The following TSPAN5 variants were observed in gnomAD, a reference collection of about 807,000 sequenced individuals.
TSPAN5 encodes the protein tetraspanin 5.
In TSPAN5, 10 loss-of-function variants were observed where a neutral mutation model predicts 37.1. The observed-to-expected ratio is 0.27, with a 90% CI of 0.17 to 0.46. The LOEUF is 0.46. Among genes scored for constraint, TSPAN5 ranks in the 20% least tolerant of loss-of-function variants. The probability of loss-of-function intolerance (pLI) is 1.00; values close to 1 mark genes in which losing one functional copy is unlikely to be tolerated. For missense variants in TSPAN5, 195 were observed against 326.6 expected, an observed-to-expected ratio of 0.60 and a Z score of 3.11; for synonymous variants, 110 against 118.9, an observed-to-expected ratio of 0.93 and a Z score of 0.48.
chr4:98,554,952 A>G (rs1291128196), intron 1 of TSPAN5, among the ~76,000 whole-genome samples: 1 of 152,222 alleles, frequency 6.6e-6, no homozygotes, highest in Non-Finnish European at 1.5e-5. Context: ...GAGTATAAAA[A>G]TCCCACAGAA....
At chr4:98,630,801 GCCTACTGGCTTAAGGGC>G (rs1756728233) in intron 1 of TSPAN5, among the ~76,000 whole-genome samples, 1 of 152,186 alleles carries the variant, frequency 6.6e-6, no homozygotes, top group Non-Finnish European at 1.5e-5. Context: ...TTGAAGTAAG[GCCTACTGGCTTAAGGGC>G]CCTGCAGAGC....
Position 98,476,430 on chromosome 4 carries a change from C to T in TSPAN5, c.607G>A (p.Asp203Asn), listed in dbSNP as rs772668858. 6.2e-7 allele frequency: 1 copy of T among 1,614,206 alleles called. No homozygotes were observed. The highest frequency in any genetic ancestry group is 1.1e-5 in the South Asian group (1 of 91,084). Residue 203 changes from aspartate (D) to asparagine (N), a missense_variant, in exon 6 of 8, where the codon GAT (aspartate) becomes AAT (asparagine). Asp to Asn is a conservative substitution (Grantham distance 23, BLOSUM62 1). Transcript: ENST00000305798. Reference sequence around the variant, plus strand: ...CCACTTACTGGTTTTTGCCTGGCATCATAGCCACACTGAGTGTTGATGACA... The same window carrying T: ...CCACTTACTGGTTTTTGCCTGGCATTATAGCCACACTGAGTGTTGATGACA... ...EDVINTQCGY[D>N]ARQKPEVDQQ...
intron 1 of TSPAN5, among the ~76,000 whole-genome samples, chr4:98,560,856 G>T (rs1436039831): frequency 6.6e-6 from 1 of 152,224 alleles, no homozygotes; most frequent in East Asian, 1.9e-4. Context: ...TTTCAGATGA[G>T]CTGAGATTTA....
In TSPAN5 at chr4:98,640,822, C is replaced by T. The variant is rs376066167; in HGVS notation, c.81+17324G>A. 5.9e-5 allele frequency among the ~76,000 whole-genome samples: 9 copies of T among 152,154 alleles called. No homozygotes were observed. The East Asian group carries it at 1.2e-3, about 19-fold the overall frequency. On this transcript the variant is annotated intron_variant, in intron 1 of 7. Coordinates refer to ENST00000305798, the MANE Select transcript of TSPAN5 (RefSeq NM_005723.4). The stretch of plus-strand genomic sequence containing the variant: ...CCCAGGTGACAGTGAACCAAAAGCC[C>T]GCAACTCCCCTGAGTGGGTCACCTA...
At chr4:98,544,252 T>A (rs983865395) in intron 1 of TSPAN5, among the ~76,000 whole-genome samples, 17 of 152,294 alleles carry the variant, frequency 1.1e-4, no homozygotes, top group African/African-American at 3.6e-4. Flanking sequence ...GCTAAACATA[T>A]CTTGCACATG....
chr4:98,632,798 G>A (rs1441473585), intron 1 of TSPAN5, among the ~76,000 whole-genome samples: 3 of 152,194 alleles, frequency 2.0e-5, no homozygotes, highest in Non-Finnish European at 4.4e-5. Context: ...GAGGAGGACT[G>A]GAGTGGAAGA....
chr4:98,643,004 T>C (rs1283872137), intron 1 of TSPAN5, among the ~76,000 whole-genome samples: 2 of 152,314 alleles, frequency 1.3e-5, no homozygotes, highest in East Asian at 1.9e-4. Context: ...AGCCTAAGTA[T>C]AGTGTTAATG....
intron 1 of TSPAN5, among the ~76,000 whole-genome samples, chr4:98,537,197 G>C (rs1352718571): frequency 1.3e-5 from 2 of 152,200 alleles, no homozygotes; most frequent in Non-Finnish European, 2.9e-5. Flanking sequence ...TATCTATGCC[G>C]GAGTTCCTCA....
chr4:98,534,574 T>C lies in TSPAN5; in HGVS notation c.82-26846A>G, dbSNP rs181357607. On this transcript the variant is annotated intron_variant, in intron 1 of 7. Coordinates refer to ENST00000305798, the MANE Select transcript of TSPAN5 (RefSeq NM_005723.4). ...GAGTTCAAGTCCTGAATATCCTTGT[T>C]AATTTTCTGTCTCATTGATCTGTCT... is the stretch of plus-strand genomic sequence containing the variant. 4.4e-3 allele frequency among the ~76,000 whole-genome samples: 668 copies of C among 152,360 alleles called. 2 individuals carry two copies. The highest frequency in any genetic ancestry group is 7.0e-3 in the Non-Finnish European group (476 of 68,032).
At chr4:98,576,451 G>C (rs1258817964) in intron 1 of TSPAN5, among the ~76,000 whole-genome samples, 1 of 152,056 alleles carries the variant, frequency 6.6e-6, no homozygotes, top group Non-Finnish European at 1.5e-5. Context: ...AAATGTCATG[G>C]GGCCATGAGC....
intron 1 of TSPAN5, among the ~76,000 whole-genome samples, chr4:98,566,409 T>A (rs1267835317): frequency 1.3e-5 from 2 of 151,810 alleles, no homozygotes; most frequent in Non-Finnish European, 2.9e-5. Context: ...GGAAAAAATA[T>A]CCATTAATGA....
chr4:98,512,245 A>C (rs952686891), intron 1 of TSPAN5, among the ~76,000 whole-genome samples: 1 of 152,142 alleles, frequency 6.6e-6, no homozygotes, highest in Non-Finnish European at 1.5e-5. Flanking sequence ...AATTTTAAGT[A>C]TTCCTCCCAA....
At chr4:98,590,379 T>C (rs1029792937) in intron 1 of TSPAN5, among the ~76,000 whole-genome samples, 1 of 152,110 alleles carries the variant, frequency 6.6e-6, no homozygotes, top group Non-Finnish European at 1.5e-5. Flanking sequence ...CTCTGTAAAG[T>C]GGATATTCCC....
At position 98,470,443 on chromosome 4, in the gene TSPAN5, T is replaced by A. The variant is rs758943626; in HGVS notation, c.*2079A>T. On this transcript the variant is annotated 3_prime_UTR_variant, in exon 8 of 8. Coordinates refer to ENST00000305798, the MANE Select transcript of TSPAN5 (RefSeq NM_005723.4). ...GTGTAAAAAATAAAGGGTGATTAAT[T>A]AATATTTAAAACTCACTCGGACTTG... 6.6e-6 allele frequency: 1 copy of A among 152,244 alleles called. No individual in the cohort carries two copies. Among genetic ancestry groups the A allele is most frequent in the Non-Finnish European group, 1.5e-5 (1 of 68,046 alleles). The allele number at this position is 152,244 out of a possible 1,614,324, so 9.4% of individuals were successfully genotyped here.
intron 1 of TSPAN5, among the ~76,000 whole-genome samples, chr4:98,619,867 G>T (rs895877737): frequency 2.6e-5 from 4 of 152,136 alleles, no homozygotes; most frequent in African/African-American, 9.7e-5. Flanking sequence ...GCGTCCTCAC[G>T]TGTTGGAAGG....
At chr4:98,597,884 CTT>C (rs1755781183) in intron 1 of TSPAN5, among the ~76,000 whole-genome samples, 1 of 57,332 alleles carries the variant, frequency 1.7e-5, no homozygotes, top group Non-Finnish European at 3.0e-5. Context: ...TTACTGCTGT[CTT>C]TTTGTTTGTC....
chr4:98,518,841 T>C (rs191384271), intron 1 of TSPAN5, among the ~76,000 whole-genome samples: 13 of 152,210 alleles, frequency 8.5e-5, no homozygotes, highest in Non-Finnish European at 1.6e-4. Context: ...CAGGTAATTG[T>C]GACATGTGTT....
At position 98,636,153 on chromosome 4, in the gene TSPAN5, C is replaced by G. The variant is rs1392680533; in HGVS notation, c.81+21993G>C. Among the ~76,000 whole-genome samples the G allele has an allele frequency of 2.0e-5, 3 of 152,296 alleles. No individual in the cohort carries two copies. In the East Asian group the frequency reaches 5.8e-4, roughly 29 times the overall value. ...TAAAGCAGAGGTAAGCGCAAAGCTACAGAGTCAAGAAATGTAAATAAGGGC... is the reference window on the plus strand; with the variant it reads ...TAAAGCAGAGGTAAGCGCAAAGCTAGAGAGTCAAGAAATGTAAATAAGGGC... On this transcript the variant is annotated intron_variant, in intron 1 of 7. Transcript: ENST00000305798.
intron 2 of TSPAN5, 62 bp downstream of exon 2, chr4:98,507,616 C>T: frequency 2.4e-6 from 3 of 1,266,556 alleles, no homozygotes; most frequent in Admixed American, 2.0e-5. Context: ...GGGGATAATA[C>T]ATAATATGAT....
Sources: allele counts gnomAD v4.1 joint callset (sites outside exome capture counted in the v4.1 genomes callset), GRCh38; gene constraint gnomAD v4.1.1; transcripts MANE v1.5; gene names NCBI Gene and HGNC (gene_info 2026-07-23, HGNC 2026-07-21).